Variants in SLC39A12 observed in about 807,000 individuals in gnomAD.
The protein encoded by SLC39A12 is solute carrier family 39 member 12, also known as zinc transporter ZIP12.
SLC39A12 carries 63 observed loss-of-function variants against 71.1 expected under a neutral mutation model. The ratio of observed to expected loss-of-function variants is 0.89; its 90% CI spans 0.72 to 1.09. The LOEUF is 1.09. Among genes scored for constraint, SLC39A12 ranks in the 50% least tolerant of loss-of-function variants. The probability of loss-of-function intolerance (pLI) is 0.00; values close to 1 mark genes in which losing one functional copy is unlikely to be tolerated. For synonymous variants in SLC39A12, 351 were observed against 301.3 expected (o/e 1.16, Z -1.71); for missense variants, 892 against 812.6 (o/e 1.10, Z -1.19).
At chr10:18,042,051 A>G (rs1283464580) in intron 12 of SLC39A12, among the ~76,000 whole-genome samples, 1 of 151,936 alleles carries the variant, frequency 6.6e-6, no homozygotes, top group Non-Finnish European at 1.5e-5. Context: ...CAACCTGTGC[A>G]TATAGTAGTT....
chr10:18,000,524 T>G, intron 10 of SLC39A12, 143 bp from the exon 11 acceptor site: 1 of 762,146 alleles, frequency 1.3e-6, no homozygotes, highest in East Asian at 2.6e-5. Context: ...AGTCCTGACT[T>G]TTGCGGAAAC....
rs550391235 is a variant in SLC39A12, at chr10:17,966,418, C to T, written c.751+728C>T. Among the ~76,000 whole-genome samples, 3 of 152,170 alleles carry T rather than the reference C, an allele frequency of 2.0e-5. No individual in the cohort carries two copies. The South Asian group carries it at 6.2e-4, about 32-fold the overall frequency. On this transcript the variant is annotated intron_variant, in intron 4 of 12. Coordinates refer to ENST00000377369, the MANE Select transcript of SLC39A12 (RefSeq NM_001145195.2). ...CTCCAACTCTTGAGCCCAAGCAAGC[C>T]TCCCACTCCAGCCTCCTGAGTAGCT...
chr10:17,965,775 C>T, intron 4 of SLC39A12, 85 bp downstream of exon 4: 4 of 1,098,470 alleles, frequency 3.6e-6, no homozygotes, highest in Non-Finnish European at 5.3e-6. Context: ...CTCTTGATGA[C>T]TGAATTCGTT....
chr10:17,962,547 C>CG (rs1834718423), intron 3 of SLC39A12, among the ~76,000 whole-genome samples: 2 of 149,710 alleles, frequency 1.3e-5, no homozygotes, highest in African/African-American at 4.9e-5. Flanking sequence ...CTTTAAGCCA[C>CG]GGGTTTTTTT....
intron 12 of SLC39A12, among the ~76,000 whole-genome samples, chr10:18,008,965 GA>G (rs548553713): frequency 1.4e-3 from 205 of 151,618 alleles, no homozygotes; most frequent in African/African-American, 4.8e-3. Context: ...TGCTCAAATA[GA>G]AAAAAAAGCC....
In SLC39A12 at chr10:17,958,670, C is replaced by T. The variant is rs187193890; in HGVS notation, c.262-2911C>T. On this transcript the variant is annotated intron_variant, in intron 2 of 12. Transcript: ENST00000377369. The stretch of plus-strand genomic sequence containing the variant: ...TGTAGCTTTGGGCAAGTTTCTTATC[C>T]GCTTTAGTCTTGGTTTTCACACATT... 2.4e-4 allele frequency among the ~76,000 whole-genome samples: 36 copies of T among 152,214 alleles called. 1 individual carries two copies. In the South Asian group the frequency reaches 5.4e-3, roughly 23 times the overall value.
intron 3 of SLC39A12, among the ~76,000 whole-genome samples, chr10:17,964,234 A>G (rs1348894976): frequency 1.3e-5 from 2 of 152,156 alleles, no homozygotes; most frequent in Admixed American, 6.5e-5. Context: ...TGTTATTTCA[A>G]CTTGTTCTTT....
At chr10:17,989,097 G>A (rs1466917133) in intron 7 of SLC39A12, among the ~76,000 whole-genome samples, 1 of 152,154 alleles carries the variant, frequency 6.6e-6, no homozygotes, top group African/African-American at 2.4e-5. Flanking sequence ...GAAAGGAAAG[G>A]AGTAAAACCT....
intron 4 of SLC39A12, among the ~76,000 whole-genome samples, chr10:17,967,915 A>ATT (rs1239635372): frequency 2.7e-3 from 393 of 142,916 alleles, no homozygotes; most frequent in African/African-American, 5.7e-3. Flanking sequence ...ATATATATAT[A>ATT]TATTTATTTA....
chr10:17,960,743 G>C (rs1834667986), intron 2 of SLC39A12, among the ~76,000 whole-genome samples: 1 of 152,202 alleles, frequency 6.6e-6, no homozygotes, highest in Non-Finnish European at 1.5e-5. Context: ...GCTTGTAACT[G>C]TTGGGCACTT....
intron 12 of SLC39A12, among the ~76,000 whole-genome samples, chr10:18,007,663 A>C (rs951424293): frequency 6.6e-6 from 1 of 152,198 alleles, no homozygotes. Flanking sequence ...GGGTTGGATT[A>C]TTCATTCCCC....
At chr10:17,975,225 A>G (rs115485387) in intron 4 of SLC39A12, among the ~76,000 whole-genome samples, 3,414 of 152,144 alleles carry the variant, frequency 0.022, 117 homozygotes, top group African/African-American at 0.074. Flanking sequence ...CTGGAATCTC[A>G]GGCCCCCCAC....
At chr10:17,963,873 C>T (rs1238847139) in intron 3 of SLC39A12, among the ~76,000 whole-genome samples, 1 of 152,164 alleles carries the variant, frequency 6.6e-6, no homozygotes, top group African/African-American at 2.4e-5. Context: ...AACTTGATAC[C>T]CTAATCCAGG....
At chr10:17,966,635 C>T (rs1182871906) in intron 4 of SLC39A12, among the ~76,000 whole-genome samples, 7 of 151,854 alleles carry the variant, frequency 4.6e-5, no homozygotes, top group Admixed American at 1.3e-4. Context: ...TAAAGCACCT[C>T]ATTATCACGA....
intron 2 of SLC39A12, among the ~76,000 whole-genome samples, chr10:17,955,879 AT>A (rs1834532722): frequency 6.6e-6 from 1 of 152,152 alleles, no homozygotes; most frequent in Non-Finnish European, 1.5e-5. Context: ...ATCGTGAGAG[AT>A]TAAATAACTC....
At chr10:18,012,763 G>A (rs559487666) in intron 12 of SLC39A12, among the ~76,000 whole-genome samples, 1 of 151,912 alleles carries the variant, frequency 6.6e-6, no homozygotes, top group African/African-American at 2.4e-5. Flanking sequence ...CTACTCAGGA[G>A]GCTGAGGCAG....
chr10:17,966,902 A>C (rs1416334221), intron 4 of SLC39A12, among the ~76,000 whole-genome samples: 3 of 152,012 alleles, frequency 2.0e-5, no homozygotes, highest in Non-Finnish European at 4.4e-5. Context: ...TGAACCCAGG[A>C]GGCAGAGGTT....
At chr10:17,952,608 C>T (rs1317940815) in intron 1 of SLC39A12, among the ~76,000 whole-genome samples, 1 of 151,722 alleles carries the variant, frequency 6.6e-6, no homozygotes, top group Admixed American at 6.6e-5. Flanking sequence ...CTGCCTCAGC[C>T]TCCCATGTAA....
At chr10:17,997,755 C>T (rs1482559330) in intron 10 of SLC39A12, among the ~76,000 whole-genome samples, 5 of 152,148 alleles carry the variant, frequency 3.3e-5, no homozygotes, top group Non-Finnish European at 5.9e-5. Flanking sequence ...ATTACCTCAT[C>T]CGTGGAACTC....
Sources: allele counts gnomAD v4.1 joint callset (sites outside exome capture counted in the v4.1 genomes callset), GRCh38; gene constraint gnomAD v4.1.1; transcripts MANE v1.5; gene names NCBI Gene and HGNC (gene_info 2026-07-23, HGNC 2026-07-21).